Variants in TRPM2 observed in about 807,000 individuals in gnomAD.
The protein encoded by TRPM2 is estrogen-responsive element-associated gene 1 protein.
Under a neutral mutation model 174.0 loss-of-function variants are expected in TRPM2, and 161 were observed. The observed-to-expected ratio is 0.93, with a 90% confidence interval of 0.81 to 1.05. TRPM2 has a LOEUF of 1.05. Among genes scored for constraint, TRPM2 ranks in the 50% least tolerant of loss-of-function variants. The pLI, the probability that TRPM2 is intolerant of heterozygous loss-of-function variation, is 0.00. For missense variants in TRPM2, 2,057 were observed against 2,038.0 expected (o/e 1.01, Z -0.18); for synonymous variants, 954 against 861.3 (o/e 1.11, Z -1.88).
chr21:44,423,497 A>G (rs2050625342), intron 22 of TRPM2, 148 bp from the exon 23 acceptor site: 3 of 681,704 alleles, frequency 4.4e-6, no homozygotes, highest in African/African-American at 1.8e-5. Flanking sequence ...GGAGAAATGC[A>G]TGTTAGAAAT....
intron 22 of TRPM2, chr21:44,422,303 C>T (rs867014824): frequency 2.4e-5 from 37 of 1,536,012 alleles, no homozygotes; most frequent in Non-Finnish European, 3.1e-5. Flanking sequence ...CAAGGACAAG[C>T]TCTGTCTGCA....
chr21:44,437,824 G>A (rs564406516), intron 29 of TRPM2, among the ~76,000 whole-genome samples: 1 of 152,358 alleles, frequency 6.6e-6, no homozygotes, highest in South Asian at 2.1e-4. Context: ...CCTCCAGCCC[G>A]CTCACTGCAG....
intron 8 of TRPM2, among the ~76,000 whole-genome samples, chr21:44,381,992 A>AGATG (rs1391543211): frequency 2.1e-5 from 3 of 142,820 alleles, no homozygotes; most frequent in Non-Finnish European, 4.6e-5. Flanking sequence ...ATAGATAGAT[A>AGATG]GATGGATGAT....
chr21:44,367,605 G>C lies in TRPM2; in HGVS notation c.604+671G>C, dbSNP rs1359351254. Among the ~76,000 whole-genome samples the C allele has an allele frequency of 6.6e-6, 1 of 152,136 alleles. No homozygotes were observed. The highest frequency in any genetic ancestry group is 2.4e-5 in the African/African-American group (1 of 41,434). On this transcript the variant is annotated intron_variant, in intron 4 of 31. Coordinates refer to ENST00000397928, the MANE Select transcript of TRPM2 (RefSeq NM_003307.4). This position sits in a 1 kb window ranked among gnomAD's most constrained non-coding sequence, Gnocchi z 4.6. ...GGGGAGGGGGCCCCAAGTCCTCAAG[G>C]CTCCCTGGGCCTCCCTGGAGGGGAC...
At chr21:44,392,334 C>T (rs987262895) in intron 11 of TRPM2, among the ~76,000 whole-genome samples, 4 of 149,644 alleles carry the variant, frequency 2.7e-5, no homozygotes, top group Admixed American at 2.0e-4. Flanking sequence ...CATGGCTCAC[C>T]GTACCTTCCA....
chr21:44,380,260 G>T (rs2048838973), intron 8 of TRPM2, among the ~76,000 whole-genome samples: 1 of 152,218 alleles, frequency 6.6e-6, no homozygotes, highest in South Asian at 2.1e-4. Context: ...TGTCTTCTGA[G>T]AGCGTTTTTG....
Position 44,441,810 on chromosome 21 carries a change from A to G in TRPM2, c.4505A>G (p.His1502Arg). The G allele has an allele frequency of 1.2e-6, 2 of 1,605,418 alleles. No homozygotes were observed. Among genetic ancestry groups the G allele is most frequent in the East Asian group, 2.2e-5 (1 of 44,620 alleles). ...LQKAAAEFGAHY is the reference protein window; with the variant it reads ...LQKAAAEFGARY ...AAGGCAGCCGCTGAGTTCGGGGCTCACTACTGACTGTGCCCTCAGGCTGGG... is the reference window on the plus strand; with the variant it reads ...AAGGCAGCCGCTGAGTTCGGGGCTCGCTACTGACTGTGCCCTCAGGCTGGG... The change falls in exon 32 of 32, where the codon CAC becomes CGC. Residue 1502 changes from histidine to arginine, a missense_variant. By Grantham distance (29) the His-to-Arg change is conservative. Transcript: ENST00000397928.
chr21:44,429,272 C>CT (rs1601245878), intron 27 of TRPM2, among the ~76,000 whole-genome samples: 3 of 62,334 alleles, frequency 4.8e-5, no homozygotes, highest in Admixed American at 1.5e-4. Context: ...ACATTTTTTT[C>CT]TTTTTCTTTT....
chr21:44,422,477 G>C (rs2050586719), intron 22 of TRPM2: 1 of 1,521,986 alleles, frequency 6.6e-7, no homozygotes, highest in African/African-American at 1.4e-5. Context: ...GAAAGGAGAT[G>C]CCCAGGCCTG....
intron 13 of TRPM2, among the ~76,000 whole-genome samples, chr21:44,398,531 G>C (rs1490002642): frequency 6.6e-6 from 1 of 151,764 alleles, no homozygotes. Context: ...TAATTTGGTG[G>C]GTAGGGGGCC....
chr21:44,356,120 GATCCA>G (rs2048052527), intron 2 of TRPM2, among the ~76,000 whole-genome samples: 3 of 132,530 alleles, frequency 2.3e-5, no homozygotes, highest in African/African-American at 8.2e-5. Flanking sequence ...CGAGGCAGGT[GATCCA>G]CCCGCCTCGG....
At position 44,366,880 on chromosome 21, in the gene TRPM2, C is replaced by T. The variant is rs768994179; in HGVS notation, c.550C>T (p.Pro184Ser). 6.2e-7 allele frequency: 1 copy of T among 1,612,860 alleles called. No homozygotes were observed. ...GGGGGCCAAGAACTTCAACATGAAG[C>T]CGCGGCTGAAGAGCATTTTCCGCAG... is the stretch of plus-strand genomic sequence containing the variant. ...TGGAKNFNMK[P>S]RLKSIFRRGL... The change falls in exon 4 of 32, where the codon CCG (proline) becomes TCG (serine). Residue 184 changes from proline (P) to serine (S), a missense_variant. Transcript: ENST00000397928. The surrounding 1 kb of genome is among the most constrained non-coding windows in gnomAD (Gnocchi z 6.0).
Position 44,439,820 on chromosome 21 carries a change from C to G in TRPM2, c.4269+652C>G, listed in dbSNP as rs1310945219. Among the ~76,000 whole-genome samples, 1 of 152,144 alleles carries G rather than the reference C, an allele frequency of 6.6e-6. No homozygotes were observed. ...TGCTGCAGCCTCCACCTCCCGGGCT[C>G]AAGCAATGCTCTTGCCTTGGCCTCC... is the stretch of plus-strand genomic sequence containing the variant. On this transcript the variant is annotated intron_variant, in intron 30 of 31. Coordinates refer to ENST00000397928, the MANE Select transcript of TRPM2 (RefSeq NM_003307.4). This position sits in a 1 kb window ranked among gnomAD's most constrained non-coding sequence, Gnocchi z 5.1.
chr21:44,415,192 A>G (rs2050237802), intron 20 of TRPM2: 1 of 151,572 alleles, frequency 6.6e-6, no homozygotes, highest in Non-Finnish European at 1.5e-5. Context: ...ACACGTGTCC[A>G]CCTCCTCTGG....
rs45612931 is a variant in TRPM2, at chr21:44,440,669, G to A, written c.4270-120G>A. On this transcript the variant is annotated intron_variant, in intron 30 of 31. Coordinates refer to ENST00000397928, the MANE Select transcript of TRPM2 (RefSeq NM_003307.4). ...GGCGGGGGCTGGGGAGAGCTGGGCC[G>A]GGGTCCTGTGTGTGCTGGAAGCTGT... The A allele has an allele frequency of 4.1e-3, 3,450 of 847,016 alleles. 81 individuals carry two copies. The African/African-American group carries it at 0.049, about 12-fold the overall frequency. 52.5% of individuals were successfully genotyped at this position (847,016 alleles called of 1,614,324 possible). A position where few individuals can be genotyped will look rare whatever the true frequency, so the allele number is the denominator to read the frequency against.
chr21:44,361,717 T>G (rs2048213505), intron 2 of TRPM2, among the ~76,000 whole-genome samples: 6 of 152,188 alleles, frequency 3.9e-5, no homozygotes, highest in Admixed American at 3.9e-4. Flanking sequence ...ATACTATTTT[T>G]GTTTTTTGGA....
At chr21:44,427,764 G>A (rs931401409) in intron 27 of TRPM2, among the ~76,000 whole-genome samples, 2 of 152,184 alleles carry the variant, frequency 1.3e-5, no homozygotes, top group African/African-American at 2.4e-5. Context: ...GGCCTTTGCA[G>A]AATGCTCTGG....
chr21:44,427,158 G>C lies in TRPM2; in HGVS notation c.3974+47G>C, dbSNP rs780112801. 7 of 1,474,318 alleles carry C rather than the reference G, an allele frequency of 4.7e-6. No individual in the cohort carries two copies. In the African/African-American group the frequency reaches 9.9e-5, roughly 21 times the overall value. The allele number at this position is 1,474,318 out of a possible 1,614,324, so 91.3% of individuals were successfully genotyped here. A position where few individuals can be genotyped will look rare whatever the true frequency, so the allele number is the denominator to read the frequency against. ...CCCGCCCCGTCAGCCTTTGGGGTTT[G>C]CCTGGGGGGCAGGTTTCCTCTCTGG... On this transcript the variant is annotated intron_variant, in intron 27 of 31. Transcript: ENST00000397928.
At chr21:44,365,228 C>A (rs914702455) in intron 3 of TRPM2, among the ~76,000 whole-genome samples, 2 of 152,186 alleles carry the variant, frequency 1.3e-5, no homozygotes, top group Non-Finnish European at 2.9e-5. Context: ...TGTTGACCAG[C>A]CTTCTGGAGG....
Sources: gnomAD v4.1 joint callset for allele counts (sites outside exome capture counted in the v4.1 genomes callset) on GRCh38, gnomAD v4.1.1 for gene constraint, Gnocchi (gnomAD v3.1) non-coding constraint, MANE v1.5 for transcripts, NCBI Gene and HGNC (gene_info 2026-07-23, HGNC 2026-07-21) for gene names.